The following KANK1 variants were observed in gnomAD, a reference collection of about 807,000 sequenced individuals.
The protein encoded by KANK1 is KN motif and ankyrin repeat domains 1, also known as KN motif and ankyrin repeat domain-containing protein 1.
Under a neutral mutation model 106.2 loss-of-function variants are expected in KANK1, and 109 were observed. That is an observed-to-expected ratio of 1.03 (90% CI 0.88 to 1.20). The LOEUF (loss-of-function observed/expected upper bound fraction) is 1.20. KANK1 is among the 50% of genes most tolerant of loss of function. The pLI is 0.00. For missense variants in KANK1, 2,399 were observed against 1,710.7 expected, an observed-to-expected ratio of 1.40 and a Z score of -7.10; for synonymous variants, 873 against 652.2, an observed-to-expected ratio of 1.34 and a Z score of -5.16.
chr9:561,264 G>A (rs905602681), intron 1 of KANK1, among the ~76,000 whole-genome samples: 1 of 152,172 alleles, frequency 6.6e-6, no homozygotes, highest in East Asian at 1.9e-4. Flanking sequence ...TTTTTGCTTT[G>A]TAAACACACA....
chr9:631,130 G>A (rs948303121), intron 1 of KANK1, among the ~76,000 whole-genome samples: 5 of 152,068 alleles, frequency 3.3e-5, no homozygotes, highest in Admixed American at 1.3e-4. Flanking sequence ...GCGTTAATAC[G>A]TTTTGCATTG....
At chr9:611,812 G>A (rs764815057) in intron 1 of KANK1, among the ~76,000 whole-genome samples, 4 of 152,054 alleles carry the variant, frequency 2.6e-5, no homozygotes, top group Non-Finnish European at 5.9e-5. Context: ...TCCGCCTCCC[G>A]GGTTCAACCG....
At chr9:622,328 G>A (rs1255295415) in intron 1 of KANK1, among the ~76,000 whole-genome samples, 3 of 152,134 alleles carry the variant, frequency 2.0e-5, no homozygotes, top group Admixed American at 2.0e-4. Flanking sequence ...TGTGGTGAAA[G>A]ACTGCTACAG....
chr9:717,520 G>C (rs1368777551), intron 3 of KANK1, among the ~76,000 whole-genome samples: 2 of 152,154 alleles, frequency 1.3e-5, no homozygotes, highest in Non-Finnish European at 2.9e-5. Flanking sequence ...TAGGATTTGA[G>C]AGACAATGTC....
intron 1 of KANK1, among the ~76,000 whole-genome samples, chr9:504,973 G>C (rs1208542207): frequency 6.6e-6 from 1 of 151,008 alleles, no homozygotes; most frequent in Non-Finnish European, 1.5e-5. Flanking sequence ...GGGGGGGTCC[G>C]AGAGGTGGCG....
At chr9:534,846 T>C (rs767477649) in intron 1 of KANK1, among the ~76,000 whole-genome samples, 13 of 152,254 alleles carry the variant, frequency 8.5e-5, no homozygotes, top group Non-Finnish European at 1.8e-4. Context: ...TCTATAAGTT[T>C]ATGTAAAATT....
At chr9:600,419 T>G (rs1384311922) in intron 1 of KANK1, among the ~76,000 whole-genome samples, 2 of 151,878 alleles carry the variant, frequency 1.3e-5, no homozygotes, top group Non-Finnish European at 2.9e-5. Context: ...CATTGAGTAA[T>G]TAAATGCTTG....
intron 1 of KANK1, among the ~76,000 whole-genome samples, chr9:624,768 C>A (rs908562583): frequency 1.3e-4 from 20 of 152,126 alleles, no homozygotes; most frequent in African/African-American, 4.6e-4. Flanking sequence ...CACTGTACCC[C>A]AGCCTGGGTG....
chr9:595,715 T>A (rs1826047010), intron 1 of KANK1, among the ~76,000 whole-genome samples: 1 of 151,674 alleles, frequency 6.6e-6, no homozygotes, highest in South Asian at 2.1e-4. Flanking sequence ...AGAGGTGAAG[T>A]CTTGCTTTGT....
rs546619145 is a variant in KANK1, at chr9:577,428, G to A, written c.-84+72674G>A. Among the ~76,000 whole-genome samples, 116 of 152,254 alleles carry A rather than the reference G, an allele frequency of 7.6e-4. 2 individuals are homozygous for A. Among genetic ancestry groups the A allele is most frequent in the Admixed American group, 3.5e-3 (53 of 15,294 alleles). ...TTAGACACAGAGCGCTGATTGGTGC[G>A]TTTTTACAGAGTGCTGATTGGCGCG... On this transcript the variant is annotated intron_variant, in intron 1 of 11. Transcript: ENST00000382297.
chr9:712,060 G>C lies in KANK1; in HGVS notation c.1294G>C (p.Glu432Gln), dbSNP rs4465020. 0.37 allele frequency: 589,661 copies of C among 1,613,894 alleles called. 115,316 individuals are homozygous for C. Among genetic ancestry groups the C allele is most frequent in the South Asian group, 0.47 (42,826 of 91,074 alleles). Residue 432 changes from glutamate to glutamine, a missense_variant, in exon 3 of 12, where the codon GAG becomes CAG. Glu to Gln is a conservative substitution (Grantham distance 29). Coordinates refer to ENST00000382297, the MANE Select transcript of KANK1 (RefSeq NM_015158.5). ...CKDAAVGTLV[E>Q]MRNCGVSVTE... The stretch of plus-strand genomic sequence containing the variant: ...GGATGCAGCTGTAGGGACACTTGTT[G>C]AGATGAGAAATTGTGGGGTCAGCGT...
chr9:577,394 TA>T, intron 1 of KANK1, among the ~76,000 whole-genome samples: 1 of 152,324 alleles, frequency 6.6e-6, no homozygotes, highest in Non-Finnish European at 1.5e-5. Flanking sequence ...CTGGTGTGTT[TA>T]CAAACCTTTA....
rs1833336431 is a variant in KANK1, at chr9:734,855, A to G, written c.3333+20A>G. 6.4e-7 allele frequency: 1 copy of G among 1,567,280 alleles called. No homozygotes were observed. The highest frequency in any genetic ancestry group is 8.8e-7 in the Non-Finnish European group (1 of 1,137,398). ...GATATGGTGAGTCTGACCTGCAAAC[A>G]CCATCCCCAGTGTGTACAAAGTGCA... On this transcript the variant is annotated intron_variant, in intron 7 of 11. Coordinates refer to ENST00000382297, the MANE Select transcript of KANK1 (RefSeq NM_015158.5).
chr9:490,579 C>T (rs1050041083), intron 3 of KANK1, among the ~76,000 whole-genome samples: 6 of 152,160 alleles, frequency 3.9e-5, no homozygotes, highest in Admixed American at 2.0e-4. Flanking sequence ...AAAAAATTAT[C>T]TCCAGAAAGA....
intron 1 of KANK1, among the ~76,000 whole-genome samples, chr9:613,992 G>A (rs1264145726): frequency 1.3e-5 from 2 of 152,152 alleles, no homozygotes; most frequent in East Asian, 1.9e-4. Flanking sequence ...AGGCCGGGAA[G>A]AAGGCGCTGT....
At chr9:483,875 A>G (rs558410719) in intron 3 of KANK1, among the ~76,000 whole-genome samples, 21 of 152,338 alleles carry the variant, frequency 1.4e-4, no homozygotes, top group African/African-American at 4.3e-4. Flanking sequence ...AGTAACTGGG[A>G]TAAGCTATCA....
At chr9:508,530 C>T (rs1422963643) in intron 1 of KANK1, among the ~76,000 whole-genome samples, 1 of 152,000 alleles carries the variant, frequency 6.6e-6, no homozygotes, top group African/African-American at 2.4e-5. Flanking sequence ...CAAAATATTG[C>T]CAGCATTGCA....
At chr9:629,130 G>A (rs1835068830) in intron 1 of KANK1, among the ~76,000 whole-genome samples, 1 of 151,616 alleles carries the variant, frequency 6.6e-6, no homozygotes, top group African/African-American at 2.4e-5. Context: ...TCTGTAGTAT[G>A]TAAAATAATG....
chr9:728,344 C>T (rs10815540), intron 3 of KANK1, among the ~76,000 whole-genome samples: 36,071 of 152,024 alleles, frequency 0.24, 5,522 homozygotes, highest in Non-Finnish European at 0.35. Flanking sequence ...ACTACAGGCA[C>T]CCCCCACCAT....
Sources: allele counts gnomAD v4.1 joint callset (sites outside exome capture counted in the v4.1 genomes callset), GRCh38; gene constraint gnomAD v4.1.1; transcripts MANE v1.5; gene names NCBI Gene and HGNC (gene_info 2026-07-23, HGNC 2026-07-21).